The following ERBB4 variants were observed in gnomAD, a reference collection of about 807,000 sequenced individuals.
The protein encoded by ERBB4 is erb-b2 receptor tyrosine kinase 4.
A neutral mutation model predicts 158.0 loss-of-function variants in ERBB4; 42 were observed. The observed-to-expected ratio is 0.27, with a 90% CI of 0.21 to 0.34. The LOEUF is 0.34. ERBB4 is among the 10% of genes least tolerant of loss of function. ERBB4 has a pLI of 1.00. For synonymous variants in ERBB4, 583 were observed against 558.7 expected, an observed-to-expected ratio of 1.04 and a Z score of -0.61; for missense variants, 1,333 against 1,624.1, an observed-to-expected ratio of 0.82 and a Z score of 3.08.
intron 1 of ERBB4, among the ~76,000 whole-genome samples, chr2:212,357,852 G>A (rs1310592657): frequency 2.0e-5 from 3 of 151,882 alleles, no homozygotes; most frequent in Non-Finnish European, 2.9e-5. Context: ...TATCCTTTCT[G>A]AGCAGGGAGG....
chr2:211,566,380 A>C (rs1047366323), intron 19 of ERBB4, among the ~76,000 whole-genome samples: 3 of 152,142 alleles, frequency 2.0e-5, no homozygotes, highest in Non-Finnish European at 2.9e-5. Context: ...GACACCCAAC[A>C]AGTTTCCAAA....
At chr2:211,782,225 C>T (rs1278004496) in intron 4 of ERBB4, among the ~76,000 whole-genome samples, 2 of 152,126 alleles carry the variant, frequency 1.3e-5, no homozygotes, top group Admixed American at 1.3e-4. Flanking sequence ...GCCACTCCCT[C>T]CTCAGTGAAA....
chr2:211,802,619 A>G (rs2076526284), intron 3 of ERBB4, among the ~76,000 whole-genome samples: 1 of 151,844 alleles, frequency 6.6e-6, no homozygotes, highest in African/African-American at 2.4e-5. Flanking sequence ...TGAAATAAAA[A>G]TATGTTTAAA....
rs928376307 is a variant in ERBB4 at position 212,075,615 on chromosome 2, C to T, written c.234+49137G>A. On this transcript the variant is annotated intron_variant, in intron 2 of 27. Transcript: ENST00000342788. Reference sequence around the variant, plus strand: ...AATTTCAAAAAGAAAAACTTTAGTTCTCTATTTCTTAAATAATTATATGGT... The same window carrying T: ...AATTTCAAAAAGAAAAACTTTAGTTTTCTATTTCTTAAATAATTATATGGT... 4.6e-5 allele frequency among the ~76,000 whole-genome samples: 7 copies of T among 151,642 alleles called. 1 individual carries two copies. Among genetic ancestry groups the T allele is most frequent in the African/African-American group, 1.7e-4 (7 of 41,350 alleles).
chr2:211,837,726 T>C (rs2077372877), intron 3 of ERBB4, among the ~76,000 whole-genome samples: 1 of 152,190 alleles, frequency 6.6e-6, no homozygotes, highest in Admixed American at 6.6e-5. Flanking sequence ...AAAATACACA[T>C]AAAAGCCCTA....
At chr2:211,647,721 G>C (rs10932390) in intron 16 of ERBB4, among the ~76,000 whole-genome samples, 23,941 of 151,588 alleles carry the variant, frequency 0.16, 2,887 homozygotes, top group East Asian at 0.64. Context: ...CCAATTCCCT[G>C]ATTACTTATT....
intron 1 of ERBB4, among the ~76,000 whole-genome samples, chr2:212,479,213 A>G (rs1010292477): frequency 6.6e-6 from 1 of 152,038 alleles, no homozygotes. Flanking sequence ...CTTAAGCCCC[A>G]TCTTCCTGCC....
chr2:211,541,021 A>G (rs2066794362), intron 20 of ERBB4, among the ~76,000 whole-genome samples: 1 of 151,918 alleles, frequency 6.6e-6, no homozygotes, highest in African/African-American at 2.4e-5. Context: ...TAGTTTCTAG[A>G]GGGAGGTGTC....
chr2:211,725,366 T>C (rs938679782), intron 5 of ERBB4, among the ~76,000 whole-genome samples, 172 bp from the exon 6 acceptor site: 19 of 152,128 alleles, frequency 1.2e-4, no homozygotes, highest in African/African-American at 4.3e-4. Flanking sequence ...CCAAAATTAA[T>C]TTATAATTAT....
intron 5 of ERBB4, among the ~76,000 whole-genome samples, chr2:211,746,107 T>C (rs1274839657): frequency 6.6e-6 from 1 of 152,226 alleles, no homozygotes; most frequent in Non-Finnish European, 1.5e-5. Flanking sequence ...TAAAGTTCTA[T>C]GTTAACTTGT....
chr2:212,447,527 T>C (rs1363999306), intron 1 of ERBB4, among the ~76,000 whole-genome samples: 1 of 152,204 alleles, frequency 6.6e-6, no homozygotes, highest in Non-Finnish European at 1.5e-5. Context: ...TAAACATTCT[T>C]AGGTATCCTT....
chr2:211,999,384 G>A (rs191751868), intron 2 of ERBB4, among the ~76,000 whole-genome samples: 198 of 151,892 alleles, frequency 1.3e-3, no homozygotes, highest in Middle Eastern at 6.8e-3. Context: ...ACACAGTAGT[G>A]TGAATTCCCT....
At chr2:211,459,536 T>C (rs1443833442) in intron 20 of ERBB4, among the ~76,000 whole-genome samples, 3 of 152,174 alleles carry the variant, frequency 2.0e-5, no homozygotes, top group Non-Finnish European at 4.4e-5. Context: ...GGAAGATAAC[T>C]GAACCATGGG....
At chr2:211,819,800 A>T (rs1317923635) in intron 3 of ERBB4, among the ~76,000 whole-genome samples, 1 of 151,910 alleles carries the variant, frequency 6.6e-6, no homozygotes, top group Non-Finnish European at 1.5e-5. Context: ...AGGGTATTGC[A>T]ATAGCCTGAG....
intron 1 of ERBB4, among the ~76,000 whole-genome samples, chr2:212,456,704 A>G (rs1486960644): frequency 6.6e-6 from 1 of 152,046 alleles, no homozygotes; most frequent in Non-Finnish European, 1.5e-5. Flanking sequence ...AAGGGATACA[A>G]TTTTTGCAGA....
chr2:211,671,156 T>C (rs2071823225), intron 14 of ERBB4, among the ~76,000 whole-genome samples: 1 of 152,188 alleles, frequency 6.6e-6, no homozygotes, highest in African/African-American at 2.4e-5. Flanking sequence ...AAAATATTAT[T>C]ACTTGAATGT....
intron 20 of ERBB4, among the ~76,000 whole-genome samples, chr2:211,554,136 C>A (rs2125707163): frequency 6.6e-6 from 1 of 152,306 alleles, no homozygotes; most frequent in East Asian, 1.9e-4. Context: ...GAGCAGGTCA[C>A]TTTAAGCTGC....
chr2:211,982,356 T>C (rs1377932393), intron 2 of ERBB4, among the ~76,000 whole-genome samples: 1 of 152,112 alleles, frequency 6.6e-6, no homozygotes, highest in African/African-American at 2.4e-5. Flanking sequence ...CTTGAGAAAG[T>C]GATCTTTTAA....
At chr2:212,190,352 G>T (rs533520217) in intron 1 of ERBB4, among the ~76,000 whole-genome samples, 3 of 152,022 alleles carry the variant, frequency 2.0e-5, no homozygotes, top group Admixed American at 1.3e-4. Flanking sequence ...CTGGCTAACA[G>T]GGTGAAACCC....
Sources: gnomAD v4.1 joint callset for allele counts (sites outside exome capture counted in the v4.1 genomes callset) on GRCh38, gnomAD v4.1.1 for gene constraint, MANE v1.5 for transcripts, NCBI Gene and HGNC (gene_info 2026-07-23, HGNC 2026-07-21) for gene names.